Variants in HOXC5 observed in about 807,000 individuals in gnomAD.
HOXC5 encodes the protein homeobox protein Hox-C5.
A neutral mutation model predicts 20.1 loss-of-function variants in HOXC5; 19 were observed. That is an observed-to-expected ratio of 0.94 (90% CI 0.66 to 1.38). The LOEUF is 1.38. Ranked by LOEUF, HOXC5 falls within the 40% of genes most tolerant of loss-of-function variation. The pLI, the probability that HOXC5 is intolerant of heterozygous loss-of-function variation, is 0.00. For synonymous variants in HOXC5, 124 were observed against 117.0 expected, an observed-to-expected ratio of 1.06 and a Z score of -0.39; for missense variants, 330 against 300.1, an observed-to-expected ratio of 1.10 and a Z score of -0.74.
chr12:54,018,407 TAG>T, the HOXC5 span, among the ~76,000 whole-genome samples: 1 of 152,126 alleles, frequency 6.6e-6, no homozygotes, highest in African/African-American at 2.4e-5. Context: ...GTCCTCCTGG[TAG>T]AGTCTCCTAG....
chr12:54,029,801 C>A (rs753193612), upstream of HOXC5: 1 of 1,613,890 alleles, frequency 6.2e-7, no homozygotes, highest in Non-Finnish European at 8.5e-7. Context: ...CCTGACCGAG[C>A]GACAGATCAA....
chr12:54,017,840 C>T, the HOXC5 span, among the ~76,000 whole-genome samples: 2 of 152,186 alleles, frequency 1.3e-5, no homozygotes, highest in South Asian at 2.1e-4. Flanking sequence ...GTGCCCATTG[C>T]CCCCTAAGCA....
chr12:54,024,876 G>A, the HOXC5 span, among the ~76,000 whole-genome samples: 211 of 152,358 alleles, frequency 1.4e-3, no homozygotes, highest in African/African-American at 4.8e-3. Context: ...CCTATAATTA[G>A]CGCTATCAAA....
Position 54,034,616 on chromosome 12 carries a change from C to T in HOXC5, c.*124C>T. The T allele has an allele frequency of 1.3e-6, 1 of 777,410 alleles. No homozygotes were observed. Among genetic ancestry groups the T allele is most frequent in the Non-Finnish European group, 2.0e-6 (1 of 488,074 alleles). The allele number at this position is 777,410 out of a possible 1,614,324, so 48.2% of individuals were successfully genotyped here. On this transcript the variant is annotated 3_prime_UTR_variant, in exon 2 of 2. Transcript: ENST00000312492. ...GTGCTGGAGCACTGGGCTCCCGGGC[C>T]CCACAGACAAAAGCGCTTTTCCTTG...
At chr12:54,018,143 G>T in the HOXC5 span, among the ~76,000 whole-genome samples, 2 of 152,206 alleles carry the variant, frequency 1.3e-5, no homozygotes, top group Non-Finnish European at 2.9e-5. Flanking sequence ...TGCGTTGGGT[G>T]GAGGGTGGAG....
chr12:54,021,265 G>T, the HOXC5 span: 5 of 152,280 alleles, frequency 3.3e-5, no homozygotes, highest in African/African-American at 1.2e-4. Context: ...GTTCTCTAAG[G>T]TCCCCCAAAT....
chr12:54,018,331 G>C, the HOXC5 span, among the ~76,000 whole-genome samples: 7 of 152,234 alleles, frequency 4.6e-5, no homozygotes, highest in African/African-American at 1.7e-4. Context: ...CTCTGGGCTA[G>C]GACCTGCCTC....
At chr12:54,028,478 T>G (rs761024445), upstream of HOXC5, 4 of 1,578,772 alleles carry the variant, frequency 2.5e-6, no homozygotes, top group Non-Finnish European at 3.4e-6. Context: ...GAGACAGAAA[T>G]AAATATTAAA....
At chr12:54,026,500 T>C in the HOXC5 span, among the ~76,000 whole-genome samples, 1 of 152,194 alleles carries the variant, frequency 6.6e-6, no homozygotes, top group East Asian at 1.9e-4. Flanking sequence ...CTCTACCCTT[T>C]CCCCTTCATT....
the HOXC5 span, among the ~76,000 whole-genome samples, chr12:54,023,764 G>A: frequency 6.6e-6 from 1 of 152,180 alleles, no homozygotes; most frequent in Non-Finnish European, 1.5e-5. Flanking sequence ...AAGGAGGAGT[G>A]TACCTTTTTG....
the HOXC5 span, among the ~76,000 whole-genome samples, chr12:54,025,538 G>T: frequency 1.3e-5 from 1 of 74,126 alleles, no homozygotes; most frequent in Non-Finnish European, 2.6e-5. Flanking sequence ...GGGGGGGGGG[G>T]AGGTGTTGAA....
upstream of HOXC5, chr12:54,028,747 T>A (rs1940847296): frequency 6.2e-7 from 1 of 1,613,986 alleles, no homozygotes; most frequent in Non-Finnish European, 8.5e-7. Flanking sequence ...TGGATCTAAT[T>A]CCTTTTACCA....
chr12:54,033,855 G>A (rs994956780), intron 1 of HOXC5: 3 of 522,332 alleles, frequency 5.7e-6, no homozygotes, highest in Non-Finnish European at 1.1e-5. Context: ...TGAGGAGCGC[G>A]GGGCTCCAGA....
chr12:54,031,359 G>A (rs911469154), upstream of HOXC5, among the ~76,000 whole-genome samples: 1 of 152,214 alleles, frequency 6.6e-6, no homozygotes, highest in Non-Finnish European at 1.5e-5. Context: ...GAGCCCTGTC[G>A]GCAGGGATTG....
At chr12:54,023,722 A>G in the HOXC5 span, among the ~76,000 whole-genome samples, 1 of 152,204 alleles carries the variant, frequency 6.6e-6, no homozygotes, top group South Asian at 2.1e-4. Context: ...TAGGTGTGTC[A>G]AATTTCACTT....
At chr12:54,019,810 C>T in the HOXC5 span, 1 of 152,108 alleles carries the variant, frequency 6.6e-6, no homozygotes, top group Non-Finnish European at 1.5e-5. Context: ...CCTGAGGTGT[C>T]TTTATATAAT....
chr12:54,023,476 G>A, the HOXC5 span, among the ~76,000 whole-genome samples: 7 of 152,262 alleles, frequency 4.6e-5, no homozygotes, highest in South Asian at 2.1e-4. Context: ...TTTCTTCTCC[G>A]TTTAATTGTA....
the HOXC5 span, chr12:54,022,446 A>C: frequency 1.3e-5 from 2 of 152,304 alleles, 1 homozygote; most frequent in Admixed American, 1.3e-4. Context: ...GCTAGCTATT[A>C]AATTTAAAAG....
At chr12:54,033,820 T>C in intron 1 of HOXC5, 8 of 544,384 alleles carry the variant, frequency 1.5e-5, no homozygotes, top group Non-Finnish European at 2.6e-5. Context: ...GGGAGGGAGT[T>C]AAAAAAATAG....
Sources: gnomAD v4.1 joint callset for allele counts (sites outside exome capture counted in the v4.1 genomes callset) on GRCh38, gnomAD v4.1.1 for gene constraint, MANE v1.5 for transcripts, NCBI Gene and HGNC (gene_info 2026-07-23, HGNC 2026-07-21) for gene names.